The following DMXL1 variants were observed in gnomAD, a reference collection of about 807,000 sequenced individuals.
The protein encoded by DMXL1 is Dmx like 1.
In DMXL1, 99 loss-of-function variants were observed where a neutral mutation model predicts 319.2. The observed-to-expected ratio is 0.31, with a 90% CI of 0.26 to 0.37. The LOEUF (loss-of-function observed/expected upper bound fraction) is 0.37. Ranked by LOEUF, DMXL1 falls within the 10% of genes least tolerant of loss-of-function variation. The pLI is 1.00. For synonymous variants in DMXL1, 1,385 were observed against 1,235.2 expected (o/e 1.12, Z -2.54); for missense variants, 3,745 against 3,595.6 (o/e 1.04, Z -1.06).
intron 25 of DMXL1, among the ~76,000 whole-genome samples, chr5:119,172,919 A>G (rs1385197437): frequency 6.6e-6 from 1 of 152,076 alleles, no homozygotes; most frequent in African/African-American, 2.4e-5. Flanking sequence ...ATAAATGCCC[A>G]TAGTGCTTAT....
rs528165982 is a variant in DMXL1 at position 119,071,358 on chromosome 5, C to T, written c.-212C>T. On this transcript the variant is annotated 5_prime_UTR_variant, in exon 1 of 44. Coordinates refer to ENST00000539542, the MANE Select transcript of DMXL1 (RefSeq NM_001290321.3). ...GCGAAGGAGCGCGGCGCTCCGCCCT[C>T]TCGCCGACCCGCCCCCTCCGGGCCT... 9.1e-6 allele frequency: 5 copies of T among 550,042 alleles called. No individual in the cohort carries two copies. The highest frequency in any genetic ancestry group is 2.0e-5 in the African/African-American group (1 of 49,030). The allele number at this position is 550,042 out of a possible 1,614,324, so 34.1% of individuals were successfully genotyped here.
intron 1 of DMXL1, among the ~76,000 whole-genome samples, chr5:119,090,249 G>C (rs1304398008): frequency 6.6e-6 from 1 of 151,224 alleles, no homozygotes; most frequent in Non-Finnish European, 1.5e-5. Flanking sequence ...TGGAACTCCG[G>C]ACCTCAGGTG....
At chr5:119,150,463 C>T in intron 18 of DMXL1, 42 bp downstream of exon 18, 2 of 1,534,944 alleles carry the variant, frequency 1.3e-6, no homozygotes, top group Non-Finnish European at 1.7e-6. Context: ...TACTTACTTT[C>T]ACAGAAAATA....
intron 1 of DMXL1, among the ~76,000 whole-genome samples, chr5:119,084,806 G>A (rs1000849309): frequency 3.3e-5 from 5 of 151,030 alleles, no homozygotes. Context: ...GGAGGTTGTG[G>A]TGAGCCAAGA....
rs1784484601 is a variant in DMXL1, at chr5:119,220,605, G to A, written c.8135+12G>A. The A allele has an allele frequency of 6.2e-7, 1 of 1,607,054 alleles. No individual in the cohort carries two copies. The highest frequency in any genetic ancestry group is 2.2e-5 in the East Asian group (1 of 44,782). ...GTGGAAACCAAAGGGTACCTTCATAGTTTGTTTCTATTTAGTAATGTTGCA... is the reference window on the plus strand; with the variant it reads ...GTGGAAACCAAAGGGTACCTTCATAATTTGTTTCTATTTAGTAATGTTGCA... On this transcript the variant is annotated intron_variant, in intron 36 of 43. Coordinates refer to ENST00000539542, the MANE Select transcript of DMXL1 (RefSeq NM_001290321.3).
intron 1 of DMXL1, among the ~76,000 whole-genome samples, chr5:119,076,493 G>GAAA (rs1336008822): frequency 6.6e-6 from 1 of 152,000 alleles, no homozygotes; most frequent in East Asian, 1.9e-4. Context: ...TGAAGAAAGA[G>GAAA]AAAGGTGTTT....
chr5:119,121,818 T>C (rs1471791517), intron 9 of DMXL1, among the ~76,000 whole-genome samples: 1 of 151,510 alleles, frequency 6.6e-6, no homozygotes, highest in Non-Finnish European at 1.5e-5. Flanking sequence ...GACGGGGTGG[T>C]GGCCGGGCAG....
At chr5:119,103,769 T>C (rs1372839525) in intron 3 of DMXL1, among the ~76,000 whole-genome samples, 1 of 152,186 alleles carries the variant, frequency 6.6e-6, no homozygotes, top group Non-Finnish European at 1.5e-5. Flanking sequence ...TGTATTTCAG[T>C]ACTCAATAAA....
At chr5:119,177,022 T>G (rs1269616170) in intron 26 of DMXL1, among the ~76,000 whole-genome samples, 1 of 152,168 alleles carries the variant, frequency 6.6e-6, no homozygotes, top group African/African-American at 2.4e-5. Context: ...GGCTAGCCAT[T>G]ATACATGAAA....
chr5:119,223,203 T>C (rs900915556), intron 37 of DMXL1, among the ~76,000 whole-genome samples: 2 of 151,806 alleles, frequency 1.3e-5, no homozygotes, highest in East Asian at 1.9e-4. Flanking sequence ...ATTACAGGCA[T>C]GCACTACCAT....
chr5:119,201,035 T>G (rs1780613783), intron 32 of DMXL1, among the ~76,000 whole-genome samples: 1 of 152,198 alleles, frequency 6.6e-6, no homozygotes, highest in South Asian at 2.1e-4. Context: ...TTACTTCCTC[T>G]CTTCCTATGT....
At chr5:119,080,202 C>T (rs1751883456) in intron 1 of DMXL1, among the ~76,000 whole-genome samples, 1 of 150,452 alleles carries the variant, frequency 6.6e-6, no homozygotes, top group Non-Finnish European at 1.5e-5. Context: ...AAAAAATTAG[C>T]CAGGTGTGGT....
rs142571699 is a variant in DMXL1, at chr5:119,173,021, G to A, written c.6681+1052G>A. Among the ~76,000 whole-genome samples the A allele has an allele frequency of 3.5e-4, 53 of 152,254 alleles. 1 individual carries two copies. Among genetic ancestry groups the A allele is most frequent in the African/African-American group, 5.5e-4 (23 of 41,560 alleles). On this transcript the variant is annotated intron_variant, in intron 25 of 43. Coordinates refer to ENST00000539542, the MANE Select transcript of DMXL1 (RefSeq NM_001290321.3). ...AAACTAATTATAGCATACCTGTGGT[G>A]TATCAGTTACCTTTTGCTGCTTAAG...
chr5:119,122,064 CG>C (rs1762217728), intron 9 of DMXL1, among the ~76,000 whole-genome samples: 1 of 143,744 alleles, frequency 7.0e-6, no homozygotes, highest in Non-Finnish European at 1.5e-5. Context: ...CCCTCCCGGT[CG>C]GGGCGGCTGG....
At chr5:119,109,002 T>G (rs1256009126) in intron 4 of DMXL1, among the ~76,000 whole-genome samples, 1 of 151,904 alleles carries the variant, frequency 6.6e-6, no homozygotes. Context: ...GGTTTCTCCA[T>G]GTTGGTCAGG....
At position 119,220,546 on chromosome 5, in the gene DMXL1, A is replaced by G. The variant is rs547442267; in HGVS notation, c.8088A>G (p.Thr2696=). ...QELDVSGILA[T]QVYTWVDDDI... ...TGGATGTTTCTGGAATTCTGGCCAC[A>G]CAGGTCTACACTTGGGTAGATGATG... Residue 2696 remains threonine (T), a synonymous_variant, in exon 36 of 44, where the codon ACA becomes ACG. Transcript: ENST00000539542. 4 of 1,613,890 alleles carry G rather than the reference A, an allele frequency of 2.5e-6. No homozygotes were observed. In the Admixed American group the frequency reaches 6.7e-5, roughly 27 times the overall value.
intron 28 of DMXL1, among the ~76,000 whole-genome samples, chr5:119,189,227 A>G (rs534023857): frequency 3.9e-5 from 6 of 152,334 alleles, no homozygotes; most frequent in African/African-American, 1.4e-4. Context: ...AATCAGTTTA[A>G]GTAGTTATGG....
At chr5:119,243,179 G>A (rs1185243602) in intron 42 of DMXL1, among the ~76,000 whole-genome samples, 2 of 152,194 alleles carry the variant, frequency 1.3e-5, no homozygotes, top group African/African-American at 4.8e-5. Flanking sequence ...CTTAAAAAGT[G>A]TGCATTTTCC....
At chr5:119,245,844 G>C (rs1289268584) in intron 43 of DMXL1, among the ~76,000 whole-genome samples, 1 of 151,364 alleles carries the variant, frequency 6.6e-6, no homozygotes, top group African/African-American at 2.4e-5. Flanking sequence ...ACCTGGCCTA[G>C]ATTGGTTCTT....
Sources: gnomAD v4.1 joint callset for allele counts (sites outside exome capture counted in the v4.1 genomes callset) on GRCh38, gnomAD v4.1.1 for gene constraint, MANE v1.5 for transcripts, NCBI Gene and HGNC (gene_info 2026-07-23, HGNC 2026-07-21) for gene names.